Variants in PLOD2 observed in about 807,000 individuals in gnomAD.
PLOD2 encodes the protein procollagen-lysine,2-oxoglutarate 5-dioxygenase 2, also known as lysine hydroxylase 2.
PLOD2 carries 65 observed loss-of-function variants against 101.0 expected under a neutral mutation model. The ratio of observed to expected loss-of-function variants is 0.64; its 90% CI spans 0.53 to 0.79. The LOEUF is 0.79. Among genes scored for constraint, PLOD2 ranks in the 30% least tolerant of loss-of-function variants. The probability of loss-of-function intolerance (pLI) is 0.00; values close to 1 mark genes in which losing one functional copy is unlikely to be tolerated. For missense variants in PLOD2, 909 were observed against 914.6 expected, an observed-to-expected ratio of 0.99 and a Z score of 0.08; for synonymous variants, 314 against 302.9, an observed-to-expected ratio of 1.04 and a Z score of -0.38.
Position 146,086,970 on chromosome 3 carries a change from A to G in PLOD2, c.1006-62T>C, listed in dbSNP as rs896491003. 34 of 994,950 alleles carry G rather than the reference A, an allele frequency of 3.4e-5. No individual in the cohort carries two copies. In the African/African-American group the frequency reaches 5.4e-4, roughly 16 times the overall value. The allele number at this position is 994,950 out of a possible 1,614,324, so 61.6% of individuals were successfully genotyped here. On this transcript the variant is annotated intron_variant, in intron 9 of 19. Coordinates refer to ENST00000282903, the MANE Select transcript of PLOD2 (RefSeq NM_182943.3). ...AGACAATCAGATGACTGAAGTATTC[A>G]TATTAGAGAGTGCTTCACATTCAAG...
intron 6 of PLOD2, 69 bp from the exon 7 acceptor site, chr3:146,102,921 C>A (rs543228796): frequency 3.7e-6 from 3 of 821,740 alleles, no homozygotes; most frequent in African/African-American, 3.4e-5. Flanking sequence ...ATTCGTGTGT[C>A]TGTGTGTGTA....
chr3:146,139,728 A>G (rs2031428605), intron 1 of PLOD2, among the ~76,000 whole-genome samples: 1 of 152,168 alleles, frequency 6.6e-6, no homozygotes, highest in African/African-American at 2.4e-5. Flanking sequence ...ACAGTTACAC[A>G]TTCCTGTACA....
At chr3:146,153,105 T>C (rs528958793) in intron 1 of PLOD2, among the ~76,000 whole-genome samples, 3 of 152,244 alleles carry the variant, frequency 2.0e-5, no homozygotes, top group African/African-American at 7.2e-5. Context: ...AAGAGGCCTC[T>C]GAAGACAAGG....
chr3:146,074,516 A>C (rs2107997223), intron 15 of PLOD2, among the ~76,000 whole-genome samples: 1 of 151,578 alleles, frequency 6.6e-6, no homozygotes, highest in Admixed American at 6.6e-5. Flanking sequence ...GTATCTTCAA[A>C]ATTTTAATAA....
intron 3 of PLOD2, among the ~76,000 whole-genome samples, chr3:146,119,873 T>C (rs547868858): frequency 6.6e-6 from 1 of 152,200 alleles, no homozygotes; most frequent in Middle Eastern, 3.2e-3. Context: ...TCCAAGTCTT[T>C]GCTATCGTGA....
chr3:146,137,448 T>A (rs1180752274), intron 1 of PLOD2, among the ~76,000 whole-genome samples: 1 of 152,188 alleles, frequency 6.6e-6, no homozygotes, highest in East Asian at 1.9e-4. Flanking sequence ...AGGGTTTTAC[T>A]ATGTTGGTCA....
At chr3:146,095,155 T>G (rs1450517843) in intron 7 of PLOD2, among the ~76,000 whole-genome samples, 1 of 152,144 alleles carries the variant, frequency 6.6e-6, no homozygotes, top group Admixed American at 6.5e-5. Flanking sequence ...GACACAGGCA[T>G]GGGCAAAGAC....
At position 146,099,243 on chromosome 3, in the gene PLOD2, TG is replaced by T. The variant is rs1430205559; in HGVS notation, c.777+3511del. 1.2e-4 allele frequency among the ~76,000 whole-genome samples: 19 copies of T among 152,332 alleles called. No homozygotes were observed. In the South Asian group the frequency reaches 3.7e-3, roughly 30 times the overall value. The stretch of plus-strand genomic sequence containing the variant: ...GTCTTTCTAAATGATTAAGGATTAG[TG>T]CTCCTTTTCTTGTGATATGTCCTTT... On this transcript the variant is annotated intron_variant, in intron 7 of 19. Coordinates refer to ENST00000282903, the MANE Select transcript of PLOD2 (RefSeq NM_182943.3).
At chr3:146,115,434 C>A (rs1394266767) in intron 3 of PLOD2, among the ~76,000 whole-genome samples, 1 of 152,082 alleles carries the variant, frequency 6.6e-6, no homozygotes, top group Non-Finnish European at 1.5e-5. Context: ...GTGTTCCCTA[C>A]TTCTGTGACA....
intron 7 of PLOD2, among the ~76,000 whole-genome samples, chr3:146,096,715 C>T (rs1325204903): frequency 1.1e-4 from 16 of 147,866 alleles, no homozygotes; most frequent in African/African-American, 3.0e-4. Flanking sequence ...AAGTGAGGAG[C>T]GTCTCCGCCC....
chr3:146,137,507 C>T (rs1042434079), intron 1 of PLOD2, among the ~76,000 whole-genome samples: 4 of 152,168 alleles, frequency 2.6e-5, no homozygotes, highest in African/African-American at 9.7e-5. Flanking sequence ...CCTTGGGCTC[C>T]CCAAGTGCTG....
At chr3:146,146,344 T>C (rs965069288) in intron 1 of PLOD2, among the ~76,000 whole-genome samples, 1 of 152,216 alleles carries the variant, frequency 6.6e-6, no homozygotes, top group African/African-American at 2.4e-5. Context: ...ATGTAAATTA[T>C]ACCCCTCCTC....
intron 3 of PLOD2, among the ~76,000 whole-genome samples, chr3:146,119,366 A>G (rs1576609138): frequency 6.6e-6 from 1 of 152,250 alleles, no homozygotes; most frequent in East Asian, 1.9e-4. Context: ...TTTATAAATT[A>G]TGCAGTCTCA....
chr3:146,155,051 T>G (rs1336652613), intron 1 of PLOD2, among the ~76,000 whole-genome samples: 1 of 152,214 alleles, frequency 6.6e-6, no homozygotes, highest in Non-Finnish European at 1.5e-5. Flanking sequence ...TATAAACTAT[T>G]TTTTGAAGAG....
At chr3:146,135,490 G>GA (rs1379365165) in intron 1 of PLOD2, among the ~76,000 whole-genome samples, 1 of 152,004 alleles carries the variant, frequency 6.6e-6, no homozygotes, top group Non-Finnish European at 1.5e-5. Context: ...GTATATCCCA[G>GA]AAAATACAAG....
intron 2 of PLOD2, among the ~76,000 whole-genome samples, chr3:146,123,507 A>AAAAC (rs10663012): frequency 0.51 from 77,043 of 150,790 alleles, 19,740 homozygotes; most frequent in East Asian, 0.56. Context: ...CCTCTAAATG[A>AAAAC]AAACAAACAA....
chr3:146,134,184 A>C (rs2031094540), intron 1 of PLOD2, among the ~76,000 whole-genome samples: 1 of 152,214 alleles, frequency 6.6e-6, no homozygotes, highest in African/African-American at 2.4e-5. Flanking sequence ...GAAATAGAGA[A>C]GGGAATTAAT....
At chr3:146,087,562 G>C (rs1936824729) in intron 9 of PLOD2, among the ~76,000 whole-genome samples, 1 of 151,768 alleles carries the variant, frequency 6.6e-6, no homozygotes, top group Non-Finnish European at 1.5e-5. Context: ...TCCATCATTA[G>C]AGCATTTCAG....
At chr3:146,155,333 T>TA (rs57924994) in intron 1 of PLOD2, among the ~76,000 whole-genome samples, 30,398 of 142,934 alleles carry the variant, frequency 0.21, 3,105 homozygotes, top group South Asian at 0.25. Context: ...ATAAATAAAT[T>TA]AATTAATTAA....
Sources: allele counts gnomAD v4.1 joint callset (sites outside exome capture counted in the v4.1 genomes callset), GRCh38; gene constraint gnomAD v4.1.1; transcripts MANE v1.5; gene names NCBI Gene and HGNC (gene_info 2026-07-23, HGNC 2026-07-21).